TRIM21: variants seen among roughly 807,000 people sequenced by gnomAD.
TRIM21 encodes the protein tripartite motif containing 21.
A neutral mutation model predicts 36.1 loss-of-function variants in TRIM21; 35 were observed. That is an observed-to-expected ratio of 0.97 (90% CI 0.74 to 1.28). TRIM21 has a LOEUF of 1.28. Among genes scored for constraint, TRIM21 ranks in the 50% most tolerant of loss-of-function variants. The pLI, the probability that TRIM21 is intolerant of heterozygous loss-of-function variation, is 0.00. For missense variants in TRIM21, 635 were observed against 570.7 expected (o/e 1.11, Z -1.15); for synonymous variants, 256 against 211.5 (o/e 1.21, Z -1.83).
chr11:4,390,095 T>C lies in TRIM21; in HGVS notation c.315A>G (p.Lys105=), dbSNP rs1449421756. ...ATACCCAGCAAAGGGCCTTCCCATC[T>C]TTCTCACAGAACAGGTGAAGTCTCT... ...HGERLHLFCE[K]DGKALCWVCA... The change falls in exon 2 of 7, where the codon AAA becomes AAG. Residue 105 remains lysine (K), a synonymous_variant. Transcript: ENST00000254436. 5 of 1,614,018 alleles carry C rather than the reference T, an allele frequency of 3.1e-6. No homozygotes were observed. The South Asian group carries it at 5.5e-5, about 18-fold the overall frequency.
intron 1 of TRIM21, among the ~76,000 whole-genome samples, chr11:4,393,031 C>T (rs1421138422): frequency 6.6e-6 from 1 of 152,186 alleles, no homozygotes; most frequent in Non-Finnish European, 1.5e-5. Flanking sequence ...CACAGAGTAA[C>T]AGGAACCGTG....
intron 1 of TRIM21, among the ~76,000 whole-genome samples, chr11:4,390,707 G>A (rs1457558105): frequency 3.3e-5 from 5 of 152,124 alleles, no homozygotes. Context: ...AACCCAAACA[G>A]CATGGTACTG....
intron 4 of TRIM21, 75 bp downstream of exon 4, chr11:4,388,225 A>C: frequency 7.7e-7 from 1 of 1,299,926 alleles, no homozygotes; most frequent in Non-Finnish European, 1.1e-6. Context: ...CATTTATTCA[A>C]ATGGCAGTTC....
At chr11:4,392,775 G>C (rs1012037230) in intron 1 of TRIM21, among the ~76,000 whole-genome samples, 4 of 152,126 alleles carry the variant, frequency 2.6e-5, no homozygotes, top group Non-Finnish European at 5.9e-5. Flanking sequence ...AAATTGGCAA[G>C]AACCTCATAA....
chr11:4,385,843 A>C lies in TRIM21; in HGVS notation c.870T>G (p.Thr290=). ...KMLRTCAVHI[T]LDPDTANPWL... ...ACGGATTGGCTGTGTCTGGATCCAG[A>C]GTGATGTGGACTGCAGAGAGAGGAC... The change falls in exon 7 of 7, where the codon ACT becomes ACG. Residue 290 remains threonine (T), a synonymous_variant. Transcript: ENST00000254436. 6.2e-7 allele frequency: 1 copy of C among 1,608,936 alleles called. No homozygotes were observed.
chr11:4,388,418 T>A lies in TRIM21; in HGVS notation c.617A>T (p.Glu206Val). The change falls in exon 4 of 7, where the codon GAG becomes GTG. Residue 206 changes from glutamate to valine, a missense_variant. Glu to Val is a moderately radical substitution (Grantham distance 121). Transcript: ENST00000254436. ...QLQELEKDER[E>V]QLRILGEKEA... The stretch of plus-strand genomic sequence containing the variant: ...TTTCTCCCCCAGGATTCTCAGCTGC[T>A]CCCTCTCATCCTTCTCCAGCTCCTG... The A allele has an allele frequency of 6.2e-7, 1 of 1,613,942 alleles. No individual in the cohort carries two copies. Among genetic ancestry groups the A allele is most frequent in the Non-Finnish European group, 8.5e-7 (1 of 1,179,888 alleles).
Position 4,390,386 on chromosome 11 carries a change from T to C in TRIM21, c.24A>G (p.Thr8=). ...GGCATGTGACCTCCTCCCACATCATTGTCAAGCGTGCTGCTGAAGCCATTG... is the reference window on the plus strand; with the variant it reads ...GGCATGTGACCTCCTCCCACATCATCGTCAAGCGTGCTGCTGAAGCCATTG... MASAARL[T]MMWEEVTCPI... The change falls in exon 2 of 7, where the codon ACA becomes ACG. Residue 8 remains threonine (T), a synonymous_variant. Transcript: ENST00000254436. 6.2e-6 allele frequency: 10 copies of C among 1,609,984 alleles called. No homozygotes were observed. The highest frequency in any genetic ancestry group is 8.5e-6 in the Non-Finnish European group (10 of 1,176,644).
intron 2 of TRIM21, 81 bp from the exon 3 acceptor site, chr11:4,389,830 A>G (rs544652770): frequency 1.4e-4 from 208 of 1,499,242 alleles, no homozygotes; most frequent in Non-Finnish European, 1.9e-4. Context: ...TTTCTCATGC[A>G]TATCTCCTAC....
In TRIM21 at chr11:4,385,272, C is replaced by G. The variant is rs1434876999; in HGVS notation, c.*13G>C. ...GTGCCAATGGGGAGAGTGGCAGTGT[C>G]CAGAGAAAGCCATCAATAGTCAGTG... On this transcript the variant is annotated 3_prime_UTR_variant, in exon 7 of 7. Coordinates refer to ENST00000254436, the MANE Select transcript of TRIM21 (RefSeq NM_003141.4). 6.2e-7 allele frequency: 1 copy of G among 1,602,358 alleles called. No individual in the cohort carries two copies. Among genetic ancestry groups the G allele is most frequent in the South Asian group, 1.1e-5 (1 of 89,342 alleles).
intron 2 of TRIM21, 102 bp from the exon 3 acceptor site, chr11:4,389,851 T>C (rs757248109): frequency 6.7e-7 from 1 of 1,490,258 alleles, no homozygotes; most frequent in Non-Finnish European, 9.3e-7. Flanking sequence ...GCCTGGGGAA[T>C]GAGGTTGGGT....
intron 4 of TRIM21, 138 bp from the exon 5 acceptor site, chr11:4,387,128 G>A: frequency 1.2e-6 from 1 of 832,898 alleles, no homozygotes; most frequent in Non-Finnish European, 1.9e-6. Flanking sequence ...CCCCAGAGAT[G>A]ATTCTGACCA....
In TRIM21 at chr11:4,385,462, C is replaced by T; in HGVS notation, c.1251G>A (p.Met417Ile). 6.2e-7 allele frequency: 1 copy of T among 1,612,542 alleles called. No individual in the cohort carries two copies. The highest frequency in any genetic ancestry group is 1.1e-5 in the South Asian group (1 of 90,736). The change falls in exon 7 of 7, where the codon ATG becomes ATA. Residue 417 changes from methionine (M) to isoleucine (I), a missense_variant. Transcript: ENST00000254436. ...GGTCAGTGATGTTGTAGAAGGAGAC[C>T]ATGCCAGCCTCATAGTCCAGGAAAA... ...VGIFLDYEAGMVSFYNITDHG... is the reference protein window; with the variant it reads ...VGIFLDYEAGIVSFYNITDHG...
chr11:4,390,463 G>A lies in TRIM21; in HGVS notation c.-49-5C>T, dbSNP rs558440803. ...GGAGACCTTTAGGGGGTTTGGCTGG[G>A]AGAGAAGAAGAAAGGGAAAAGAGAA... On this transcript the variant is annotated splice_polypyrimidine_tract_variant and splice_region_variant and intron_variant, in intron 1 of 6. Coordinates refer to ENST00000254436, the MANE Select transcript of TRIM21 (RefSeq NM_003141.4). 6.6e-7 allele frequency: 1 copy of A among 1,514,990 alleles called. No individual in the cohort carries two copies. 93.8% of individuals were successfully genotyped at this position (1,514,990 alleles called of 1,614,324 possible). A position where few individuals can be genotyped will look rare whatever the true frequency, so the allele number is the denominator to read the frequency against.
intron 3 of TRIM21, 40 bp downstream of exon 3, chr11:4,389,614 G>A (rs1399793331): frequency 7.0e-6 from 11 of 1,567,410 alleles, no homozygotes; most frequent in Non-Finnish European, 8.8e-6. Flanking sequence ...ACCCTGCCCA[G>A]CCTTCCAGCC....
At chr11:4,386,392 GGAGTGGGTGTGA>G in intron 5 of TRIM21, 135 bp from the exon 6 acceptor site, 1 of 784,938 alleles carries the variant, frequency 1.3e-6, no homozygotes. Context: ...CAAGTCTCCA[GGAGTGGGTGTGA>G]GAGGCAAACA....
In TRIM21 at chr11:4,385,832, T is replaced by G; in HGVS notation, c.881A>C (p.Asp294Ala). Residue 294 changes from aspartate (D) to alanine (A), a missense_variant, in exon 7 of 7, where the codon GAC becomes GCC. Coordinates refer to ENST00000254436, the MANE Select transcript of TRIM21 (RefSeq NM_003141.4). Reference protein sequence around the residue: ...TCAVHITLDPDTANPWLILSE... With the variant: ...TCAVHITLDPATANPWLILSE... ...AAGTATCAGCCACGGATTGGCTGTGTCTGGATCCAGAGTGATGTGGACTGC... is the reference window on the plus strand; with the variant it reads ...AAGTATCAGCCACGGATTGGCTGTGGCTGGATCCAGAGTGATGTGGACTGC... The G allele has an allele frequency of 1.2e-6, 2 of 1,611,390 alleles. No individual in the cohort carries two copies. Among genetic ancestry groups the G allele is most frequent in the Non-Finnish European group, 1.7e-6 (2 of 1,178,646 alleles).
At chr11:4,386,651 G>A (rs925126812) in intron 5 of TRIM21, among the ~76,000 whole-genome samples, 5 of 152,192 alleles carry the variant, frequency 3.3e-5, no homozygotes, top group Non-Finnish European at 7.3e-5. Context: ...AGATTCCACT[G>A]AGAAAAGGAG....
At position 4,385,132 on chromosome 11, in the gene TRIM21, ATGG is replaced by A. The variant is rs1191312353; in HGVS notation, c.*150_*152del. ...AAAGCCATCTGGGGCAGGAATGTTGATGGTGAAGTGACTTCCCTGCTAAAGCTC... is the reference window on the plus strand; with the variant it reads ...AAAGCCATCTGGGGCAGGAATGTTGATGAAGTGACTTCCCTGCTAAAGCTC... On this transcript the variant is annotated 3_prime_UTR_variant, in exon 7 of 7. Transcript: ENST00000254436. 1 of 677,226 alleles carries A rather than the reference ATGG, an allele frequency of 1.5e-6. No individual in the cohort carries two copies. The highest frequency in any genetic ancestry group is 2.4e-6 in the Non-Finnish European group (1 of 412,214). The allele number at this position is 677,226 out of a possible 1,614,324, so 42.0% of individuals were successfully genotyped here. A position where few individuals can be genotyped will look rare whatever the true frequency, so the allele number is the denominator to read the frequency against.
chr11:4,388,303 C>T lies in TRIM21; in HGVS notation c.732G>A (p.Leu244=). Residue 244 remains leucine (L), a synonymous_variant, in exon 4 of 7, where the codon CTG becomes CTA. Transcript: ENST00000254436. ...RRCHSSALEL[L]QEVIIVLERS... ...AGGAAACCCCTCCCTGTCTCACCTGCAGCAGTTCCAGTGCTGAGCTGTGGC... is the reference window on the plus strand; with the variant it reads ...AGGAAACCCCTCCCTGTCTCACCTGTAGCAGTTCCAGTGCTGAGCTGTGGC... 1.2e-6 allele frequency: 2 copies of T among 1,608,606 alleles called. No homozygotes were observed. The highest frequency in any genetic ancestry group is 1.7e-6 in the Non-Finnish European group (2 of 1,175,542).
Sources: gnomAD v4.1 joint callset for allele counts (sites outside exome capture counted in the v4.1 genomes callset) on GRCh38, gnomAD v4.1.1 for gene constraint, MANE v1.5 for transcripts, NCBI Gene and HGNC (gene_info 2026-07-23, HGNC 2026-07-21) for gene names.